AGMO: variants seen among roughly 807,000 people sequenced by gnomAD.
The protein encoded by AGMO is glyceryl-ether monooxygenase.
A neutral mutation model predicts 60.2 loss-of-function variants in AGMO; 75 were observed. The observed-to-expected ratio is 1.25, with a 90% confidence interval of 1.03 to 1.51. The LOEUF (loss-of-function observed/expected upper bound fraction) is 1.51, where lower values mean the gene tolerates loss of function less well. Among genes scored for constraint, AGMO ranks in the 40% most tolerant of loss-of-function variants. The probability of loss-of-function intolerance (pLI) is 0.00; values close to 1 mark genes in which losing one functional copy is unlikely to be tolerated. For synonymous variants in AGMO, 261 were observed against 177.1 expected (o/e 1.47, Z -3.76); for missense variants, 763 against 525.5 (o/e 1.45, Z -4.42).
chr7:15,424,924 C>G (rs1023713438), intron 4 of AGMO, among the ~76,000 whole-genome samples: 3 of 152,170 alleles, frequency 2.0e-5, no homozygotes, highest in Non-Finnish European at 4.4e-5. Flanking sequence ...ATAAGTCCAA[C>G]TCCCACATAT....
intron 3 of AGMO, among the ~76,000 whole-genome samples, chr7:15,444,563 T>C (rs888855522): frequency 6.6e-6 from 1 of 152,222 alleles, no homozygotes; most frequent in Non-Finnish European, 1.5e-5. Context: ...TTCTTCTGTT[T>C]TGAAAAATCT....
chr7:15,490,330 C>T (rs201256140), intron 3 of AGMO, among the ~76,000 whole-genome samples: 45 of 152,230 alleles, frequency 3.0e-4, no homozygotes, highest in Middle Eastern at 3.4e-3. Flanking sequence ...TTTGGGATTT[C>T]CTCTTGGAAA....
chr7:15,545,235 AG>A (rs1275762729), intron 2 of AGMO, among the ~76,000 whole-genome samples: 1 of 152,186 alleles, frequency 6.6e-6, no homozygotes, highest in Non-Finnish European at 1.5e-5. Flanking sequence ...CAACATAAAT[AG>A]GACAAGACTA....
At chr7:15,455,081 TCACACACACACACACA>T (rs34074240) in intron 3 of AGMO, among the ~76,000 whole-genome samples, 6 of 146,114 alleles carry the variant, frequency 4.1e-5, no homozygotes, top group Non-Finnish European at 4.5e-5. Flanking sequence ...TCTCTCTTTC[TCACACACACACACACA>T]CACACACACA....
chr7:15,308,669 T>C (rs1425157887), intron 12 of AGMO, among the ~76,000 whole-genome samples: 8 of 152,184 alleles, frequency 5.3e-5, no homozygotes, highest in Non-Finnish European at 1.2e-4. Flanking sequence ...TTAAAACTTT[T>C]CTGTAACCAA....
At chr7:15,341,840 T>C (rs748445570) in intron 12 of AGMO, among the ~76,000 whole-genome samples, 1 of 151,998 alleles carries the variant, frequency 6.6e-6, no homozygotes, top group Non-Finnish European at 1.5e-5. Context: ...CAAGAGGGTG[T>C]GTGCAGGGGA....
chr7:15,156,204 G>A, the AGMO span, among the ~76,000 whole-genome samples: 5 of 152,192 alleles, frequency 3.3e-5, no homozygotes, highest in African/African-American at 1.2e-4. Context: ...GGGAAAGGCT[G>A]TTGGTGAGTA....
the AGMO span, among the ~76,000 whole-genome samples, chr7:15,192,299 C>T: frequency 4.7e-4 from 72 of 151,902 alleles, no homozygotes; most frequent in African/African-American, 1.7e-3. Flanking sequence ...ACCCCAAACC[C>T]CAGGCTCCAC....
chr7:15,306,734 A>G (rs1221956335), intron 12 of AGMO, among the ~76,000 whole-genome samples: 1 of 152,038 alleles, frequency 6.6e-6, no homozygotes, highest in Non-Finnish European at 1.5e-5. Flanking sequence ...AGATTGTACT[A>G]GTTCTTATAG....
chr7:15,236,115 C>T (rs181935067), intron 12 of AGMO, among the ~76,000 whole-genome samples: 250 of 152,200 alleles, frequency 1.6e-3, no homozygotes, highest in Non-Finnish European at 2.5e-3. Context: ...ACAAGGAATT[C>T]AGGTTACACA....
intron 2 of AGMO, among the ~76,000 whole-genome samples, chr7:15,551,527 GACAA>G (rs1422064659): frequency 3.4e-5 from 5 of 148,912 alleles, no homozygotes; most frequent in African/African-American, 9.9e-5. Context: ...ACCAACAACA[GACAA>G]ACAGAGAGCC....
chr7:15,269,550 T>A (rs190433199), intron 12 of AGMO, among the ~76,000 whole-genome samples: 1 of 151,974 alleles, frequency 6.6e-6, no homozygotes, highest in East Asian at 1.9e-4. Flanking sequence ...GGGGTAGTTA[T>A]TGAGGGTAAT....
intron 3 of AGMO, among the ~76,000 whole-genome samples, chr7:15,516,929 T>A (rs1231567535): frequency 6.6e-6 from 1 of 151,978 alleles, no homozygotes. Context: ...AGAAAGAGTC[T>A]CCACATGAAA....
At chr7:15,190,923 C>T in the AGMO span, among the ~76,000 whole-genome samples, 1 of 151,872 alleles carries the variant, frequency 6.6e-6, no homozygotes, top group South Asian at 2.1e-4. Context: ...TTATTCACTT[C>T]CCATGTCTGT....
At chr7:15,485,069 G>A (rs1346704688) in intron 3 of AGMO, among the ~76,000 whole-genome samples, 4 of 151,268 alleles carry the variant, frequency 2.6e-5, no homozygotes, top group South Asian at 2.1e-4. Context: ...AGGCCGAAGC[G>A]GGTGGATCAT....
chr7:15,352,700 G>A (rs1022588674), intron 12 of AGMO, among the ~76,000 whole-genome samples: 4 of 151,806 alleles, frequency 2.6e-5, no homozygotes, highest in African/African-American at 7.3e-5. Context: ...TCATGTACTA[G>A]TGGAAACCAC....
intron 12 of AGMO, among the ~76,000 whole-genome samples, chr7:15,349,419 A>G (rs1782151604): frequency 6.6e-6 from 1 of 152,094 alleles, no homozygotes; most frequent in Admixed American, 6.6e-5. Context: ...TATAGGTTGA[A>G]AGGGCATGGT....
chr7:15,265,519 G>A (rs1218985445), intron 12 of AGMO, among the ~76,000 whole-genome samples: 1 of 151,828 alleles, frequency 6.6e-6, no homozygotes, highest in Admixed American at 6.6e-5. Context: ...AAATTTATAA[G>A]CAGATCAAAA....
chr7:15,519,043 C>T (rs190052985), intron 3 of AGMO, among the ~76,000 whole-genome samples: 1 of 151,156 alleles, frequency 6.6e-6, no homozygotes, highest in East Asian at 2.0e-4. Flanking sequence ...AATAGCCGAA[C>T]TGACAAGCAG....
Sources: gnomAD v4.1 joint callset for allele counts (sites outside exome capture counted in the v4.1 genomes callset) on GRCh38, gnomAD v4.1.1 for gene constraint, MANE v1.5 for transcripts, NCBI Gene and HGNC (gene_info 2026-07-23, HGNC 2026-07-21) for gene names.